The following COL22A1 variants were observed in gnomAD, a reference collection of about 807,000 sequenced individuals.
The protein encoded by COL22A1 is collagen alpha-1(XXII) chain.
COL22A1 carries 221 observed loss-of-function variants against 248.9 expected under a neutral mutation model. The observed-to-expected ratio is 0.89, with a 90% CI of 0.80 to 0.99. The LOEUF (loss-of-function observed/expected upper bound fraction) is 0.99. Among genes scored for constraint, COL22A1 ranks in the 50% least tolerant of loss-of-function variants. COL22A1 has a pLI of 0.00. For missense variants in COL22A1, 2,240 were observed against 2,179.0 expected (o/e 1.03, Z -0.56); for synonymous variants, 891 against 793.4 (o/e 1.12, Z -2.07).
intron 16 of COL22A1, among the ~76,000 whole-genome samples, chr8:138,764,502 C>A (rs545080605): frequency 7.9e-5 from 12 of 152,332 alleles, no homozygotes; most frequent in African/African-American, 2.6e-4. Flanking sequence ...CTGATGTGAA[C>A]GTAGGGGTGT....
At chr8:138,776,127 G>A (rs1267218099) in intron 15 of COL22A1, 117 bp from the exon 16 acceptor site, 2 of 939,446 alleles carry the variant, frequency 2.1e-6, no homozygotes, top group African/African-American at 1.6e-5. Flanking sequence ...GGCAGGGATG[G>A]TGATAGTGAG....
At chr8:138,623,702 T>C in intron 52 of COL22A1, 30 bp downstream of exon 52, 2 of 1,580,698 alleles carry the variant, frequency 1.3e-6, no homozygotes, top group South Asian at 1.1e-5. Context: ...ATTTGGCATG[T>C]GATATAATAG....
chr8:138,767,773 C>G (rs1225596677), intron 16 of COL22A1, among the ~76,000 whole-genome samples: 1 of 152,182 alleles, frequency 6.6e-6, no homozygotes, highest in Middle Eastern at 3.2e-3. Flanking sequence ...TGCTGCGGTT[C>G]TGAGTTGCTG....
intron 49 of COL22A1, among the ~76,000 whole-genome samples, chr8:138,633,564 A>C (rs1364488609): frequency 2.0e-5 from 3 of 152,246 alleles, no homozygotes; most frequent in Non-Finnish European, 2.9e-5. Flanking sequence ...TAAGGAGCAC[A>C]ATGTCATTTA....
intron 1 of COL22A1, among the ~76,000 whole-genome samples, chr8:138,890,576 T>C (rs1194233260): frequency 6.6e-6 from 1 of 152,112 alleles, no homozygotes; most frequent in Non-Finnish European, 1.5e-5. Flanking sequence ...GCCTCCCAAG[T>C]AGCTGTGACT....
intron 23 of COL22A1, among the ~76,000 whole-genome samples, chr8:138,727,757 A>G (rs912635807): frequency 5.9e-5 from 9 of 152,164 alleles, no homozygotes; most frequent in Non-Finnish European, 1.0e-4. Flanking sequence ...ATCTTCCCTC[A>G]TCAGACACAT....
intron 16 of COL22A1, among the ~76,000 whole-genome samples, chr8:138,773,518 T>G (rs1024195358): frequency 5.9e-5 from 9 of 151,998 alleles, no homozygotes; most frequent in Non-Finnish European, 1.0e-4. Context: ...TTTGAAGGAG[T>G]CATCTCTTAT....
chr8:138,825,755 G>C (rs1472071817), intron 6 of COL22A1: 1 of 152,114 alleles, frequency 6.6e-6, no homozygotes, highest in Non-Finnish European at 1.5e-5. Context: ...TTAGCCCCCA[G>C]TGAAAGTTTA....
intron 41 of COL22A1, among the ~76,000 whole-genome samples, chr8:138,665,412 T>C (rs886554624): frequency 6.6e-6 from 1 of 152,086 alleles, no homozygotes; most frequent in African/African-American, 2.4e-5. Flanking sequence ...GAGAAGAAAA[T>C]GATGTCAAGG....
intron 2 of COL22A1, among the ~76,000 whole-genome samples, chr8:138,878,746 G>A (rs1399275384): frequency 5.3e-5 from 8 of 152,296 alleles, no homozygotes; most frequent in Admixed American, 2.0e-4. Context: ...GGTGGTTCAC[G>A]CCTGTAATCC....
At chr8:138,694,960 C>T in intron 32 of COL22A1, 81 bp from the exon 33 acceptor site, 1 of 1,343,116 alleles carries the variant, frequency 7.4e-7, no homozygotes, top group Non-Finnish European at 1.0e-6. Context: ...CAGCTCCGGA[C>T]ACACAGGCCA....
At chr8:138,903,085 G>A (rs530624859) in intron 1 of COL22A1, among the ~76,000 whole-genome samples, 3 of 152,142 alleles carry the variant, frequency 2.0e-5, no homozygotes, top group African/African-American at 7.2e-5. Context: ...TCATATGAAC[G>A]GATTTATCCA....
chr8:138,766,342 T>C (rs1833906994), intron 16 of COL22A1, among the ~76,000 whole-genome samples: 1 of 150,480 alleles, frequency 6.6e-6, no homozygotes, highest in Admixed American at 6.6e-5. Context: ...AGGAGCGAGG[T>C]GGACATGGCT....
chr8:138,755,995 AAAGTTCG>A (rs538302980), intron 18 of COL22A1, among the ~76,000 whole-genome samples, 166 bp from the exon 19 acceptor site: 75 of 152,280 alleles, frequency 4.9e-4, no homozygotes, highest in Middle Eastern at 3.4e-3. Flanking sequence ...TGAAATTCTC[AAAGTTCG>A]GGTTCTGATC....
At chr8:138,890,015 T>C (rs1020752847) in intron 1 of COL22A1, among the ~76,000 whole-genome samples, 1 of 152,108 alleles carries the variant, frequency 6.6e-6, no homozygotes, top group Non-Finnish European at 1.5e-5. Context: ...TCGGGCAGCA[T>C]AGTAAAAGTA....
intron 31 of COL22A1, 32 bp from the exon 32 acceptor site, chr8:138,700,176 G>A (rs372120292): frequency 7.5e-6 from 12 of 1,608,370 alleles, no homozygotes; most frequent in African/African-American, 1.3e-5. Flanking sequence ...TTAGAAAGAT[G>A]GGCATCAAGG....
At chr8:138,614,136 T>C (rs1364494634) in intron 55 of COL22A1, among the ~76,000 whole-genome samples, 4 of 152,226 alleles carry the variant, frequency 2.6e-5, no homozygotes, top group African/African-American at 9.6e-5. Context: ...TGTGCATCCA[T>C]TTATTCAGTT....
chr8:138,880,651 C>T (rs1005727482), intron 2 of COL22A1, among the ~76,000 whole-genome samples: 2 of 152,192 alleles, frequency 1.3e-5, no homozygotes, highest in Non-Finnish European at 2.9e-5. Context: ...AGTTACATCC[C>T]AGCCTTAGCA....
chr8:138,804,460 A>G (rs936866859), intron 10 of COL22A1, among the ~76,000 whole-genome samples: 29 of 152,184 alleles, frequency 1.9e-4, no homozygotes, highest in Non-Finnish European at 2.2e-4. Flanking sequence ...AGAGGCAGCC[A>G]TTACTAAACA....
Sources: allele counts gnomAD v4.1 joint callset (sites outside exome capture counted in the v4.1 genomes callset), GRCh38; gene constraint gnomAD v4.1.1; transcripts MANE v1.5; gene names NCBI Gene and HGNC (gene_info 2026-07-23, HGNC 2026-07-21).